AJAP1: variants seen among roughly 807,000 people sequenced by gnomAD.
AJAP1 encodes adherens junctions associated protein 1.
In AJAP1, 5 loss-of-function variants were observed where a neutral mutation model predicts 35.0. The observed-to-expected ratio is 0.14, with a 90% confidence interval of 0.07 to 0.30. AJAP1 has a LOEUF of 0.30. Ranked by LOEUF, AJAP1 falls within the 10% of genes least tolerant of loss-of-function variation. The pLI, the probability that AJAP1 is intolerant of heterozygous loss-of-function variation, is 1.00. For synonymous variants in AJAP1, 284 were observed against 249.3 expected (o/e 1.14, Z -1.31); for missense variants, 586 against 571.0 (o/e 1.03, Z -0.27).
chr1:4,662,527 G>C (rs1024295694), intron 1 of AJAP1, among the ~76,000 whole-genome samples: 5 of 152,184 alleles, frequency 3.3e-5, no homozygotes, highest in Non-Finnish European at 5.9e-5. Context: ...GGGGAGCAGC[G>C]CTGCCATGAA....
At position 4,693,227 on chromosome 1, in the gene AJAP1, C is replaced by G. The variant is rs1027728396; in HGVS notation, c.30-18673C>G. 6.6e-6 allele frequency among the ~76,000 whole-genome samples: 1 copy of G among 152,066 alleles called. No homozygotes were observed. On this transcript the variant is annotated intron_variant, in intron 1 of 5. Transcript: ENST00000378191. This position sits in a 1 kb window ranked among gnomAD's most constrained non-coding sequence, Gnocchi z 4.4. ...AAAGGCCCACCCGAGTGGGGAGGCGCCCATGGGAACTTTAGACACCAGGCC... is the reference window on the plus strand; with the variant it reads ...AAAGGCCCACCCGAGTGGGGAGGCGGCCATGGGAACTTTAGACACCAGGCC...
At chr1:4,733,482 G>A (rs148708108) in intron 2 of AJAP1, among the ~76,000 whole-genome samples, 22 of 145,486 alleles carry the variant, frequency 1.5e-4, no homozygotes, top group African/African-American at 5.6e-4. Context: ...CCAGGGCTGT[G>A]CTGGGAGTGG....
chr1:4,771,770 C>G (rs1476742894), intron 3 of AJAP1, among the ~76,000 whole-genome samples: 1 of 152,128 alleles, frequency 6.6e-6, no homozygotes, highest in Non-Finnish European at 1.5e-5. Context: ...TACACGTGCC[C>G]CTGGGTGAGG....
At chr1:4,775,812 TG>T (rs1430225454) in intron 5 of AJAP1, among the ~76,000 whole-genome samples, 4 of 152,248 alleles carry the variant, frequency 2.6e-5, no homozygotes, top group African/African-American at 7.2e-5. Flanking sequence ...CACCATTCAG[TG>T]GGGGGATGTG....
At position 4,785,125 on chromosome 1, in the gene AJAP1, C is replaced by G. The variant is rs1271618014; in HGVS notation, c.*2640C>G. 1 of 152,410 alleles carries G rather than the reference C, an allele frequency of 6.6e-6. No individual in the cohort carries two copies. The allele number at this position is 152,410 out of a possible 1,614,324, so 9.4% of individuals were successfully genotyped here. ...TGTCAACTCCCAGCTGCTCAGCCCCCTTCTCTGACCATGTGCGGCACCCTG... is the reference window on the plus strand; with the variant it reads ...TGTCAACTCCCAGCTGCTCAGCCCCGTTCTCTGACCATGTGCGGCACCCTG... On this transcript the variant is annotated 3_prime_UTR_variant, in exon 6 of 6. Coordinates refer to ENST00000378191, the MANE Select transcript of AJAP1 (RefSeq NM_018836.4).
intron 1 of AJAP1, among the ~76,000 whole-genome samples, chr1:4,660,427 GTTATA>G (rs1203838219): frequency 1.3e-5 from 2 of 152,118 alleles, no homozygotes; most frequent in African/African-American, 2.4e-5. Context: ...TCACAATCCT[GTTATA>G]TTATTGTATT....
At chr1:4,764,706 A>G (rs1220108425) in intron 2 of AJAP1, among the ~76,000 whole-genome samples, 1 of 152,192 alleles carries the variant, frequency 6.6e-6, no homozygotes, top group Non-Finnish European at 1.5e-5. Context: ...GCATTGTGAA[A>G]TCAGCTGTGA....
In AJAP1 at chr1:4,660,088, G is replaced by A. The variant is rs575938322; in HGVS notation, c.29+4634G>A. Among the ~76,000 whole-genome samples, 36 of 152,348 alleles carry A rather than the reference G, an allele frequency of 2.4e-4. 1 individual carries two copies. The South Asian group carries it at 5.8e-3, about 25-fold the overall frequency. The stretch of plus-strand genomic sequence containing the variant: ...GCAGACACGGAGCTGTCACACTGCC[G>A]GACCGGTAACACCACCACACCACCA... On this transcript the variant is annotated intron_variant, in intron 1 of 5. Transcript: ENST00000378191.
chr1:4,748,745 C>A (rs1641252207), intron 2 of AJAP1, among the ~76,000 whole-genome samples: 1 of 77,126 alleles, frequency 1.3e-5, no homozygotes, highest in African/African-American at 6.3e-5. Flanking sequence ...GAGACTCTGT[C>A]TCAAAAAAAA....
In AJAP1 at chr1:4,676,623, G is replaced by A. The variant is rs777501522; in HGVS notation, c.29+21169G>A. The stretch of plus-strand genomic sequence containing the variant: ...CCACAAAGTAATCAGGAGATGATGG[G>A]GGGACGGGAGTGAGGGAGACTGGAT... On this transcript the variant is annotated intron_variant, in intron 1 of 5. Coordinates refer to ENST00000378191, the MANE Select transcript of AJAP1 (RefSeq NM_018836.4). Among the ~76,000 whole-genome samples the A allele has an allele frequency of 2.6e-4, 40 of 152,278 alleles. 1 individual carries two copies. Among genetic ancestry groups the A allele is most frequent in the Admixed American group, 2.0e-4 (3 of 15,306 alleles).
intron 1 of AJAP1, among the ~76,000 whole-genome samples, chr1:4,659,763 A>C (rs530256071): frequency 1.3e-5 from 2 of 152,358 alleles, no homozygotes; most frequent in East Asian, 3.9e-4. Flanking sequence ...GGTGGGACTC[A>C]GACTGTGGAC....
At chr1:4,662,426 G>A (rs1639019239) in intron 1 of AJAP1, among the ~76,000 whole-genome samples, 1 of 152,090 alleles carries the variant, frequency 6.6e-6, no homozygotes, top group Admixed American at 6.5e-5. Flanking sequence ...TTCCCTTTTT[G>A]TTCCTGAATG....
chr1:4,744,876 A>G (rs1480676340), intron 2 of AJAP1, among the ~76,000 whole-genome samples: 1 of 152,110 alleles, frequency 6.6e-6, no homozygotes. Context: ...CAAGCAGAGG[A>G]CACACACCCA....
chr1:4,709,022 A>AG (rs1479990973), intron 1 of AJAP1, among the ~76,000 whole-genome samples: 1 of 152,228 alleles, frequency 6.6e-6, no homozygotes, highest in Non-Finnish European at 1.5e-5. Context: ...CTTAGAAATG[A>AG]GGGGGTTTCT....
chr1:4,673,663 C>G (rs1027350315), intron 1 of AJAP1, among the ~76,000 whole-genome samples: 3 of 152,210 alleles, frequency 2.0e-5, no homozygotes, highest in African/African-American at 7.2e-5. Flanking sequence ...GCTGTGGACA[C>G]AGACGCGGCC....
At chr1:4,686,102 C>G (rs988087912) in intron 1 of AJAP1, among the ~76,000 whole-genome samples, 1 of 152,224 alleles carries the variant, frequency 6.6e-6, no homozygotes, top group Non-Finnish European at 1.5e-5. Flanking sequence ...AGGCACGAGA[C>G]AGCTGATGGT....
At chr1:4,774,947 C>T (rs980821813) in intron 5 of AJAP1, among the ~76,000 whole-genome samples, 4 of 152,072 alleles carry the variant, frequency 2.6e-5, no homozygotes, top group East Asian at 1.9e-4. Context: ...ATTAGGACAG[C>T]GGCTAGGGAG....
In AJAP1 at chr1:4,772,497, G is replaced by A. The variant is rs2100362987; in HGVS notation, c.1135G>A (p.Glu379Lys). The A allele has an allele frequency of 1.2e-6, 2 of 1,614,188 alleles. No individual in the cohort carries two copies. The highest frequency in any genetic ancestry group is 1.7e-6 in the Non-Finnish European group (2 of 1,180,040). The change falls in exon 4 of 6, where the codon GAG (glutamate) becomes AAG (lysine). Residue 379 changes from glutamate (E) to lysine (K), a missense_variant. Coordinates refer to ENST00000378191, the MANE Select transcript of AJAP1 (RefSeq NM_018836.4). ...TDETLHSTTG[E>K]YKSTFNGNRP... ...TGAGACGCTGCACTCGACGACGGGG[G>A]AGTACAAATCCACATTTAATGGAAA...
Position 4,785,940 on chromosome 1 carries a change from T to C in AJAP1, c.*3455T>C, listed in dbSNP as rs983975848. The C allele has an allele frequency of 6.6e-6, 1 of 152,208 alleles. No individual in the cohort carries two copies. Among genetic ancestry groups the C allele is most frequent in the Admixed American group, 6.5e-5 (1 of 15,284 alleles). 9.4% of individuals were successfully genotyped at this position (152,208 alleles called of 1,614,324 possible). On this transcript the variant is annotated 3_prime_UTR_variant, in exon 6 of 6. Transcript: ENST00000378191. Reference sequence around the variant, plus strand: ...TTAGAAACAGCTGGGAATGCACTCCTTGTACAGTCCAGTCCGTTTTCAGAC... The same window carrying C: ...TTAGAAACAGCTGGGAATGCACTCCCTGTACAGTCCAGTCCGTTTTCAGAC...
Sources: gnomAD v4.1 joint callset for allele counts (sites outside exome capture counted in the v4.1 genomes callset) on GRCh38, gnomAD v4.1.1 for gene constraint, Gnocchi (gnomAD v3.1) non-coding constraint, MANE v1.5 for transcripts, NCBI Gene and HGNC (gene_info 2026-07-23, HGNC 2026-07-21) for gene names.